EPB41L1: variants seen among roughly 807,000 people sequenced by gnomAD.
EPB41L1 encodes the protein band 4.1-like protein 1.
EPB41L1 carries 29 observed loss-of-function variants against 97.8 expected under a neutral mutation model. That is an observed-to-expected ratio of 0.30 (90% CI 0.22 to 0.40). The LOEUF (loss-of-function observed/expected upper bound fraction) is 0.40, where lower values mean the gene tolerates loss of function less well. EPB41L1 is among the 10% of genes least tolerant of loss of function. The pLI, the probability that EPB41L1 is intolerant of heterozygous loss-of-function variation, is 1.00. For missense variants in EPB41L1, 812 were observed against 1,162.3 expected, an observed-to-expected ratio of 0.70 and a Z score of 4.38; for synonymous variants, 383 against 459.2, an observed-to-expected ratio of 0.83 and a Z score of 2.12.
Position 36,207,470 on chromosome 20 carries a change from C to A in EPB41L1, c.1669-2018C>A. ...GCCAACAAAATTCGGATATTTGAGA[C>A]CCACGGAGCTGAAACTCGCCGAATG... On this transcript the variant is annotated intron_variant, in intron 14 of 21. Transcript: ENST00000338074. This position sits in a 1 kb window ranked among gnomAD's most constrained non-coding sequence, Gnocchi z 4.9. The A allele has an allele frequency of 7.8e-7, 1 of 1,289,848 alleles. No homozygotes were observed. The highest frequency in any genetic ancestry group is 1.2e-5 in the South Asian group (1 of 81,034). 79.9% of individuals were successfully genotyped at this position (1,289,848 alleles called of 1,614,324 possible).
Position 36,209,807 on chromosome 20 carries a change from A to G in EPB41L1, c.1988A>G (p.Lys663Arg), listed in dbSNP as rs1317590881. ...EGLLFSRDLN[K>R]GAPSQDDESG... ...CTGCTGTTCTCCCGGGATCTCAACA[A>G]GGGGGCCCCCAGCCAGGATGATGAG... Residue 663 changes from lysine (K) to arginine (R), a missense_variant, in exon 15 of 22, where the codon AAG becomes AGG. Lys to Arg is a conservative substitution (Grantham distance 26). Transcript: ENST00000338074. This position sits in a 1 kb window ranked among gnomAD's most constrained non-coding sequence, Gnocchi z 4.2. 6.2e-7 allele frequency: 1 copy of G among 1,613,718 alleles called. No homozygotes were observed. The highest frequency in any genetic ancestry group is 1.1e-5 in the South Asian group (1 of 91,078).
At chr20:36,095,357 C>G (rs1014781646) in intron 1 of EPB41L1, among the ~76,000 whole-genome samples, 4 of 152,230 alleles carry the variant, frequency 2.6e-5, no homozygotes, top group Non-Finnish European at 4.4e-5. Flanking sequence ...ATCTGCCTGC[C>G]TCCGCCTCCC....
At position 36,232,528 on chromosome 20, in the gene EPB41L1, G is replaced by T; in HGVS notation, c.*3188G>T. 1 of 398,686 alleles carries T rather than the reference G, an allele frequency of 2.5e-6. No individual in the cohort carries two copies. The highest frequency in any genetic ancestry group is 4.4e-6 in the Non-Finnish European group (1 of 226,072). 24.7% of individuals were successfully genotyped at this position (398,686 alleles called of 1,614,324 possible). ...GGATCTTTTCCATCTGAGGGTACAG[G>T]AAGTACCAGGACCTGTTTCAGTTTT... On this transcript the variant is annotated 3_prime_UTR_variant, in exon 22 of 22. Transcript: ENST00000338074.
chr20:36,187,838 G>GCCC, intron 8 of EPB41L1, 75 bp downstream of exon 8: 4 of 1,318,684 alleles, frequency 3.0e-6, no homozygotes, highest in Non-Finnish European at 4.3e-6. Context: ...TCCCTAGGGC[G>GCCC]TGGTGTGCCA....
At chr20:36,159,913 C>G (rs2060463050) in intron 1 of EPB41L1, among the ~76,000 whole-genome samples, 1 of 152,114 alleles carries the variant, frequency 6.6e-6, no homozygotes, top group African/African-American at 2.4e-5. Flanking sequence ...GTGGATAGTC[C>G]AAGTACCTGG....
chr20:36,220,197 G>A (rs994735871), intron 19 of EPB41L1, among the ~76,000 whole-genome samples: 2 of 152,270 alleles, frequency 1.3e-5, no homozygotes, highest in African/African-American at 4.8e-5. Flanking sequence ...AGTAGGGACT[G>A]AGTAGAGTCT....
At chr20:36,113,168 G>A (rs2058463853) in intron 2 of EPB41L1, among the ~76,000 whole-genome samples, 1 of 152,180 alleles carries the variant, frequency 6.6e-6, no homozygotes, top group Non-Finnish European at 1.5e-5. Flanking sequence ...GGCCCGGGGC[G>A]TGTCAAAGCT....
intron 1 of EPB41L1, chr20:36,091,938 T>C (rs2057675279): frequency 6.6e-6 from 1 of 152,244 alleles, no homozygotes; most frequent in South Asian, 2.1e-4. Context: ...GGAGCGCCTA[T>C]ACGGGCCGTG....
chr20:36,134,858 T>C (rs1281633868), intron 2 of EPB41L1, among the ~76,000 whole-genome samples: 1 of 141,406 alleles, frequency 7.1e-6, no homozygotes, highest in Non-Finnish European at 1.5e-5. Flanking sequence ...CTGTCTTTTT[T>C]TTTTTTTTTT....
At chr20:36,094,983 T>C (rs1346316633) in intron 1 of EPB41L1, among the ~76,000 whole-genome samples, 1 of 151,748 alleles carries the variant, frequency 6.6e-6, no homozygotes, top group African/African-American at 2.4e-5. Context: ...TTTTTTTTTC[T>C]TTTTTGAGAC....
chr20:36,222,025 A>G, intron 20 of EPB41L1, 81 bp downstream of exon 20: 4 of 1,427,444 alleles, frequency 2.8e-6, no homozygotes, highest in South Asian at 1.1e-5. Context: ...ATGGATGGCT[A>G]TCCTCATGGG....
Position 36,209,665 on chromosome 20 carries a change from C to G in EPB41L1, c.1846C>G (p.Leu616Val). The G allele has an allele frequency of 6.2e-7, 1 of 1,614,078 alleles. No homozygotes were observed. Reference protein sequence around the residue: ...SSITVSSTSSLEAEVDFTVIG... With the variant: ...SSITVSSTSSVEAEVDFTVIG... ...CATCACGGTCAGCTCTACGTCTAGCCTGGAGGCTGAGGTGGACTTCACGGT... is the reference window on the plus strand; with the variant it reads ...CATCACGGTCAGCTCTACGTCTAGCGTGGAGGCTGAGGTGGACTTCACGGT... Residue 616 changes from leucine (L) to valine (V), a missense_variant, in exon 15 of 22, where the codon CTG becomes GTG. Around this residue, in one of 3 missense-constraint regions of EPB41L1, gnomAD observed 498 missense variants for 622.7 expected, o/e 0.80. Transcript: ENST00000338074. This position sits in a 1 kb window ranked among gnomAD's most constrained non-coding sequence, Gnocchi z 4.2.
chr20:36,116,763 C>G (rs1391163844), intron 2 of EPB41L1, among the ~76,000 whole-genome samples: 1 of 152,194 alleles, frequency 6.6e-6, no homozygotes, highest in Non-Finnish European at 1.5e-5. Flanking sequence ...CTAATCTCAT[C>G]CATTTGTCAG....
intron 2 of EPB41L1, among the ~76,000 whole-genome samples, chr20:36,143,702 A>G (rs935947796): frequency 1.3e-5 from 2 of 150,460 alleles, no homozygotes; most frequent in Non-Finnish European, 3.0e-5. Flanking sequence ...AAAGGTAGGT[A>G]TGTGTGTGTG....
At chr20:36,176,216 C>T (rs2061221778) in intron 3 of EPB41L1, among the ~76,000 whole-genome samples, 1 of 152,192 alleles carries the variant, frequency 6.6e-6, no homozygotes, top group Non-Finnish European at 1.5e-5. Flanking sequence ...GGAGGCGGCC[C>T]ATTGGGAAGA....
chr20:36,137,527 CT>C (rs1298101541), intron 2 of EPB41L1, among the ~76,000 whole-genome samples: 1 of 151,408 alleles, frequency 6.6e-6, no homozygotes, highest in East Asian at 2.0e-4. Flanking sequence ...AGCCTGAATA[CT>C]TTTTTTATGT....
At chr20:36,140,831 C>T (rs988705069) in intron 2 of EPB41L1, among the ~76,000 whole-genome samples, 2 of 152,136 alleles carry the variant, frequency 1.3e-5, no homozygotes, top group South Asian at 2.1e-4. Context: ...TGAGAGAGCC[C>T]GACTAGCCAC....
chr20:36,208,048 C>A (rs2062925084), intron 14 of EPB41L1, among the ~76,000 whole-genome samples: 1 of 152,306 alleles, frequency 6.6e-6, no homozygotes, highest in Middle Eastern at 3.4e-3. Flanking sequence ...GGTCACACAA[C>A]CCCCATGGAG....
intron 1 of EPB41L1, among the ~76,000 whole-genome samples, chr20:36,168,238 T>G (rs1026779741): frequency 2.0e-5 from 3 of 152,228 alleles, no homozygotes; most frequent in Admixed American, 6.5e-5. Flanking sequence ...CAAGCATCCC[T>G]GGCCTCACTG....
Sources: gnomAD v4.1 joint callset for allele counts (sites outside exome capture counted in the v4.1 genomes callset) on GRCh38, gnomAD v4.1.1 for gene constraint, gnomAD v4.1.1 regional missense constraint, Gnocchi (gnomAD v3.1) non-coding constraint, MANE v1.5 for transcripts, NCBI Gene and HGNC (gene_info 2026-07-23, HGNC 2026-07-21) for gene names.